The following AFF3 variants were observed in gnomAD, a reference collection of about 807,000 sequenced individuals.
AFF3 encodes ALF transcription elongation factor 3.
In AFF3, 32 loss-of-function variants were observed where a neutral mutation model predicts 129.7. That is an observed-to-expected ratio of 0.25 (90% CI 0.19 to 0.33). The LOEUF (loss-of-function observed/expected upper bound fraction) is 0.33, where lower values mean the gene tolerates loss of function less well. AFF3 is among the 10% of genes least tolerant of loss of function. The probability of loss-of-function intolerance (pLI) is 1.00; values close to 1 mark genes in which losing one functional copy is unlikely to be tolerated. For synonymous variants in AFF3, 644 were observed against 635.4 expected, an observed-to-expected ratio of 1.01 and a Z score of -0.20; for missense variants, 1,373 against 1,592.0, an observed-to-expected ratio of 0.86 and a Z score of 2.34.
At chr2:99,905,386 A>C (rs934070999) in intron 7 of AFF3, among the ~76,000 whole-genome samples, 1 of 152,196 alleles carries the variant, frequency 6.6e-6, no homozygotes, top group African/African-American at 2.4e-5. Flanking sequence ...ATGGTCACCC[A>C]TGAGCCTGCC....
chr2:99,581,511 A>G (rs1425774197), intron 17 of AFF3, among the ~76,000 whole-genome samples: 2 of 149,962 alleles, frequency 1.3e-5, no homozygotes, highest in Non-Finnish European at 3.0e-5. Flanking sequence ...CTTTCTTTGC[A>G]GAATCCTGTT....
chr2:99,774,122 C>T (rs894572651), intron 8 of AFF3, among the ~76,000 whole-genome samples: 12 of 152,110 alleles, frequency 7.9e-5, no homozygotes, highest in Non-Finnish European at 5.9e-5. Context: ...CATGCTCATG[C>T]ACAGGAAGAA....
At chr2:99,629,891 C>T (rs1283963497) in intron 13 of AFF3, among the ~76,000 whole-genome samples, 1 of 152,160 alleles carries the variant, frequency 6.6e-6, no homozygotes, top group African/African-American at 2.4e-5. Flanking sequence ...ATCACCCCCA[C>T]CAAAGGCCCC....
At chr2:100,134,999 A>G (rs1387618761) in intron 1 of AFF3, among the ~76,000 whole-genome samples, 1 of 152,206 alleles carries the variant, frequency 6.6e-6, no homozygotes, top group African/African-American at 2.4e-5. Flanking sequence ...AGGGAGTGAG[A>G]GGTGACCTAT....
At chr2:99,940,869 C>G (rs1472451203) in intron 7 of AFF3, among the ~76,000 whole-genome samples, 3 of 152,106 alleles carry the variant, frequency 2.0e-5, no homozygotes, top group Non-Finnish European at 4.4e-5. Flanking sequence ...TGTCGAAAAC[C>G]AAAACCAGAA....
chr2:99,932,957 T>A (rs1189662138), intron 7 of AFF3, among the ~76,000 whole-genome samples: 4 of 152,198 alleles, frequency 2.6e-5, no homozygotes, highest in Non-Finnish European at 5.9e-5. Context: ...TGATGTTAAA[T>A]ATGCTCCTAG....
At chr2:99,900,262 C>A (rs1694251163) in intron 7 of AFF3, among the ~76,000 whole-genome samples, 1 of 152,116 alleles carries the variant, frequency 6.6e-6, no homozygotes, top group Admixed American at 6.5e-5. Context: ...GTAATTTCAG[C>A]CCAATAAAGA....
chr2:100,065,442 G>T (rs1687637490), intron 4 of AFF3, among the ~76,000 whole-genome samples: 1 of 152,136 alleles, frequency 6.6e-6, no homozygotes, highest in Non-Finnish European at 1.5e-5. Flanking sequence ...CATATTTATA[G>T]AAAACAGCCC....
intron 13 of AFF3, among the ~76,000 whole-genome samples, chr2:99,607,393 G>A (rs1680473419): frequency 6.6e-6 from 1 of 152,048 alleles, no homozygotes; most frequent in Non-Finnish European, 1.5e-5. Context: ...TTAGCTGGGT[G>A]TGGTGGTGGG....
intron 4 of AFF3, among the ~76,000 whole-genome samples, chr2:100,036,149 A>AC (rs1240435905): frequency 2.7e-5 from 4 of 150,404 alleles, no homozygotes; most frequent in African/African-American, 9.7e-5. Flanking sequence ...AAAAAAAAAA[A>AC]AAAAAAAAAA....
intron 8 of AFF3, among the ~76,000 whole-genome samples, chr2:99,822,216 C>T (rs1687742800): frequency 6.6e-6 from 1 of 151,740 alleles, no homozygotes; most frequent in Non-Finnish European, 1.5e-5. Flanking sequence ...AGTCATCACG[C>T]AATACTGACT....
chr2:99,702,408 C>T (rs1676952213), intron 11 of AFF3, among the ~76,000 whole-genome samples: 1 of 152,130 alleles, frequency 6.6e-6, no homozygotes, highest in South Asian at 2.1e-4. Context: ...GGCGCCATCC[C>T]AGCTCACCAC....
chr2:99,733,533 T>G (rs1680011982), intron 10 of AFF3, among the ~76,000 whole-genome samples: 1 of 152,186 alleles, frequency 6.6e-6, no homozygotes, highest in South Asian at 2.1e-4. Flanking sequence ...ACACTTTTTG[T>G]GATTTAAGAA....
At chr2:100,057,667 C>A (rs1294995138) in intron 4 of AFF3, among the ~76,000 whole-genome samples, 1 of 152,144 alleles carries the variant, frequency 6.6e-6, no homozygotes, top group African/African-American at 2.4e-5. Context: ...CAATCTCTTG[C>A]TACTGGTTTA....
intron 8 of AFF3, among the ~76,000 whole-genome samples, chr2:99,763,942 T>C (rs1682811753): frequency 6.6e-6 from 1 of 152,226 alleles, no homozygotes; most frequent in African/African-American, 2.4e-5. Flanking sequence ...ATCTACTTCA[T>C]TGCAGTGCCT....
chr2:99,855,172 T>C (rs2105888990), intron 7 of AFF3, among the ~76,000 whole-genome samples: 1 of 152,172 alleles, frequency 6.6e-6, no homozygotes, highest in South Asian at 2.1e-4. Context: ...CAAAAAACTG[T>C]GAAAAAATGA....
chr2:99,567,070 C>T (rs893222354), intron 19 of AFF3, among the ~76,000 whole-genome samples: 9 of 150,522 alleles, frequency 6.0e-5, no homozygotes, highest in East Asian at 3.9e-4. Context: ...CGGGTTCAAG[C>T]GAGTCTTCTG....
rs1254401152 is a variant in AFF3 at position 99,546,653 on chromosome 2, C to T, written c.*4821G>A. On this transcript the variant is annotated 3_prime_UTR_variant, in exon 25 of 25. Transcript: ENST00000672756. ...AAATGAAGTTAACAAACTTACCCTC[C>T]CACATAGGGGATGCTTCATGTCAAG... is the stretch of plus-strand genomic sequence containing the variant. The T allele has an allele frequency of 4.3e-6, 1 of 231,186 alleles. No homozygotes were observed. The highest frequency in any genetic ancestry group is 8.6e-6 in the Non-Finnish European group (1 of 116,948). 14.3% of individuals were successfully genotyped at this position (231,186 alleles called of 1,614,324 possible). A position where few individuals can be genotyped will look rare whatever the true frequency, so the allele number is the denominator to read the frequency against.
chr2:99,707,776 TCA>T (rs1206037919), intron 11 of AFF3: 1 of 450,104 alleles, frequency 2.2e-6, no homozygotes, highest in Non-Finnish European at 2.9e-6. Flanking sequence ...TCCTATGACC[TCA>T]GTTTTAGGAT....
Sources: gnomAD v4.1 joint callset for allele counts (sites outside exome capture counted in the v4.1 genomes callset) on GRCh38, gnomAD v4.1.1 for gene constraint, MANE v1.5 for transcripts, NCBI Gene and HGNC (gene_info 2026-07-23, HGNC 2026-07-21) for gene names.